CYRIB: variants seen among roughly 807,000 people sequenced by gnomAD.
The protein encoded by CYRIB is CYFIP-related Rac1 interactor B.
CYRIB carries 8 observed loss-of-function variants against 44.2 expected under a neutral mutation model. That is an observed-to-expected ratio of 0.18 (90% confidence interval 0.11 to 0.33). The LOEUF (loss-of-function observed/expected upper bound fraction) is 0.33. Among genes scored for constraint, CYRIB ranks in the 10% least tolerant of loss-of-function variants. The probability of loss-of-function intolerance (pLI) is 1.00; values close to 1 mark genes in which losing one functional copy is unlikely to be tolerated. For synonymous variants in CYRIB, 131 were observed against 127.2 expected, an observed-to-expected ratio of 1.03 and a Z score of -0.20; for missense variants, 185 against 382.8, an observed-to-expected ratio of 0.48 and a Z score of 4.31.
intron 2 of CYRIB, among the ~76,000 whole-genome samples, chr8:129,950,368 G>A (rs767115684): frequency 3.5e-4 from 53 of 152,204 alleles, no homozygotes; most frequent in Non-Finnish European, 6.6e-4. Context: ...TCAGGAGTTC[G>A]AGACCAGCCT....
intron 11 of CYRIB, among the ~76,000 whole-genome samples, chr8:129,846,190 AC>A (rs1374889980): frequency 1.3e-5 from 2 of 152,194 alleles, no homozygotes; most frequent in Non-Finnish European, 2.9e-5. Flanking sequence ...ATTAAGTAAA[AC>A]TAATCTAAGA....
exon 12 of CYRIB, chr8:129,841,372 AAGAAAAAATC>A (rs1397976613): frequency 6.6e-6 from 1 of 152,528 alleles, no homozygotes; most frequent in Non-Finnish European, 1.5e-5. Flanking sequence ...CCCCTAAAAG[AAGAAAAAATC>A]ATGTAATGTA....
intron 1 of CYRIB, among the ~76,000 whole-genome samples, chr8:129,930,010 A>G (rs2090263991): frequency 6.6e-6 from 1 of 152,074 alleles, no homozygotes; most frequent in South Asian, 2.1e-4. Flanking sequence ...CAGGAGTTCG[A>G]GACCAGCCTG....
chr8:129,978,633 G>A (rs555537602), intron 1 of CYRIB, among the ~76,000 whole-genome samples: 3 of 152,238 alleles, frequency 2.0e-5, no homozygotes, highest in Admixed American at 2.0e-4. Context: ...TATTAGCCAG[G>A]TTCTCTACCA....
chr8:129,954,513 G>A (rs1276509603), intron 2 of CYRIB, among the ~76,000 whole-genome samples: 2 of 115,938 alleles, frequency 1.7e-5, no homozygotes, highest in Admixed American at 9.9e-5. Context: ...TTGAGCCACT[G>A]CGCCTGGCCT....
At chr8:129,940,344 C>G (rs563212327), upstream of CYRIB, among the ~76,000 whole-genome samples, 22 of 152,348 alleles carry the variant, frequency 1.4e-4, no homozygotes, top group African/African-American at 5.3e-4. Flanking sequence ...GCACGTGTTC[C>G]TGGCAGGCGC....
chr8:129,987,534 C>CCTTTT (rs1175835979), intron 1 of CYRIB, among the ~76,000 whole-genome samples: 1 of 151,234 alleles, frequency 6.6e-6, no homozygotes, highest in Non-Finnish European at 1.5e-5. Flanking sequence ...CCACCTCCCA[C>CCTTTT]CTTTTCTTTT....
In CYRIB at chr8:129,938,715, C is replaced by A. The variant is rs113424705; in HGVS notation, c.-50+893G>T. ...TAATGTTGCAAATCAGTCAAGGGGC[C>A]AAGTGAGGAGGAATCCAGAGGAGTA... On this transcript the variant is annotated intron_variant, in intron 1 of 11. Coordinates refer to ENST00000519824, the Ensembl canonical transcript of CYRIB. Among the ~76,000 whole-genome samples, 1,292 of 152,160 alleles carry A rather than the reference C, an allele frequency of 8.5e-3. 17 individuals carry two copies. The highest frequency in any genetic ancestry group is 0.03 in the African/African-American group (1,231 of 41,494).
intron 2 of CYRIB, among the ~76,000 whole-genome samples, chr8:129,952,681 G>C (rs961126299): frequency 6.6e-6 from 1 of 152,148 alleles, no homozygotes; most frequent in Non-Finnish European, 1.5e-5. Context: ...GGCCAAGGGA[G>C]AGAACCTGAT....
intron 2 of CYRIB, among the ~76,000 whole-genome samples, chr8:129,954,566 C>A (rs1006105355): frequency 1.3e-5 from 2 of 152,114 alleles, no homozygotes; most frequent in Admixed American, 6.6e-5. Flanking sequence ...TAAGTGCCTG[C>A]ATCAGAGTTT....
upstream of CYRIB, among the ~76,000 whole-genome samples, chr8:129,943,180 T>TTTAG (rs2093863345): frequency 7.0e-6 from 1 of 142,994 alleles, no homozygotes; most frequent in Non-Finnish European, 1.5e-5. Flanking sequence ...GGGCTGAGAG[T>TTTAG]TTAGTGAAAG....
intron 2 of CYRIB, among the ~76,000 whole-genome samples, chr8:129,947,263 T>C (rs2131155632): frequency 6.6e-6 from 1 of 152,298 alleles, no homozygotes; most frequent in Non-Finnish European, 1.5e-5. Context: ...TTTTGCCATG[T>C]TGGCCAAGCT....
Position 129,897,253 on chromosome 8 carries a change from A to G in CYRIB, c.-11+6059T>C, listed in dbSNP as rs2068544823. Among the ~76,000 whole-genome samples, 2 of 152,182 alleles carry G rather than the reference A, an allele frequency of 1.3e-5. 1 individual carries two copies. The highest frequency in any genetic ancestry group is 1.3e-4 in the Admixed American group (2 of 15,274). On this transcript the variant is annotated intron_variant, in intron 2 of 11. Transcript: ENST00000519824. ...CATCTCACCACTGCTTAAATACTCT[A>G]CATGACTTAAATTTTAGACTTTGGT...
intron 1 of CYRIB, among the ~76,000 whole-genome samples, chr8:130,000,893 A>G (rs1229746731): frequency 6.6e-6 from 1 of 152,106 alleles, no homozygotes; most frequent in Non-Finnish European, 1.5e-5. Context: ...ATCTAATAAT[A>G]AAAAATTGTC....
intron 1 of CYRIB, among the ~76,000 whole-genome samples, chr8:130,012,667 G>A (rs1378176086): frequency 6.6e-6 from 1 of 152,132 alleles, no homozygotes; most frequent in African/African-American, 2.4e-5. Flanking sequence ...GAAGTATCTT[G>A]GCCAAGGGCA....
intron 2 of CYRIB, among the ~76,000 whole-genome samples, chr8:129,881,472 T>C (rs1020127078): frequency 2.0e-5 from 3 of 152,154 alleles, no homozygotes; most frequent in Non-Finnish European, 2.9e-5. Flanking sequence ...AAGTTAGCAC[T>C]TCCCGTCACC....
At chr8:130,015,661 G>A (rs549914576) in intron 1 of CYRIB, among the ~76,000 whole-genome samples, 6 of 152,096 alleles carry the variant, frequency 3.9e-5, no homozygotes, top group Non-Finnish European at 8.8e-5. Context: ...CAGGACACAC[G>A]TTTCAAAGGA....
chr8:129,878,975 A>G lies in CYRIB; in HGVS notation c.73+414T>C, dbSNP rs527905314. 2.0e-5 allele frequency among the ~76,000 whole-genome samples: 3 copies of G among 152,332 alleles called. No homozygotes were observed. The East Asian group carries it at 5.8e-4, about 29-fold the overall frequency. On this transcript the variant is annotated intron_variant, in intron 3 of 11. Transcript: ENST00000519824. ...CCTTCATGAACAGATTGATATTTGA[A>G]ATACTTAAATATGTACCCTACAATA...
chr8:129,839,812 A>T (rs1312655762), exon 12 of CYRIB: 2 of 152,194 alleles, frequency 1.3e-5, no homozygotes, highest in Non-Finnish European at 2.9e-5. Flanking sequence ...CAACATGCAG[A>T]GTGTGAACTG....
Sources: gnomAD v4.1 joint callset for allele counts (sites outside exome capture counted in the v4.1 genomes callset) on GRCh38, gnomAD v4.1.1 for gene constraint, MANE v1.5 for transcripts, NCBI Gene and HGNC (gene_info 2026-07-23, HGNC 2026-07-21) for gene names.